SERINC5: variants seen among roughly 807,000 people sequenced by gnomAD.
SERINC5 encodes the protein chromosome 5 open reading frame 12.
A neutral mutation model predicts 63.1 loss-of-function variants in SERINC5; 41 were observed. The ratio of observed to expected loss-of-function variants is 0.65; its 90% CI spans 0.51 to 0.84. The LOEUF (loss-of-function observed/expected upper bound fraction) is 0.84, where lower values mean the gene tolerates loss of function less well. Ranked by LOEUF, SERINC5 falls within the 40% of genes least tolerant of loss-of-function variation. The pLI, the probability that SERINC5 is intolerant of heterozygous loss-of-function variation, is 0.00. For missense variants in SERINC5, 523 were observed against 573.0 expected (o/e 0.91, Z 0.89); for synonymous variants, 222 against 215.2 (o/e 1.03, Z -0.28).
At position 80,165,581 on chromosome 5, in the gene SERINC5, C is replaced by A. The variant is rs923654163; in HGVS notation, c.859+802G>T. Among the ~76,000 whole-genome samples the A allele has an allele frequency of 1.7e-4, 26 of 152,302 alleles. 1 individual carries two copies. Among genetic ancestry groups the A allele is most frequent in the Admixed American group, 1.2e-3 (18 of 15,294 alleles). On this transcript the variant is annotated intron_variant, in intron 7 of 11. Transcript: ENST00000507668. The stretch of plus-strand genomic sequence containing the variant: ...GTCTATAAACCAGGCAGTCCGACTT[C>A]AAAGCTCATGCTCTAATCACTATGT...
chr5:80,185,471 C>T (rs1349629444), intron 2 of SERINC5, among the ~76,000 whole-genome samples: 1 of 152,084 alleles, frequency 6.6e-6, no homozygotes, highest in African/African-American at 2.4e-5. Flanking sequence ...ATTAAGTTAA[C>T]TTCTTTAATT....
At chr5:80,252,413 C>A (rs1580227025) in intron 1 of SERINC5, among the ~76,000 whole-genome samples, 1 of 152,210 alleles carries the variant, frequency 6.6e-6, no homozygotes, top group East Asian at 1.9e-4. Context: ...CTCCACATAG[C>A]CCTTAAGTTA....
intron 11 of SERINC5, among the ~76,000 whole-genome samples, chr5:80,125,911 G>T (rs1054499460): frequency 6.6e-6 from 1 of 152,146 alleles, no homozygotes; most frequent in African/African-American, 2.4e-5. Flanking sequence ...TAATTCTATT[G>T]CCATCTATTC....
intron 2 of SERINC5, among the ~76,000 whole-genome samples, chr5:80,187,107 A>C (rs1432823102): frequency 6.6e-6 from 1 of 152,172 alleles, no homozygotes; most frequent in African/African-American, 2.4e-5. Context: ...AAGAGGTTGC[A>C]GTGAGCTGAG....
Position 80,189,492 on chromosome 5 carries a change from T to C in SERINC5, c.196-11428A>G, listed in dbSNP as rs150693917. On this transcript the variant is annotated intron_variant, in intron 2 of 11. Coordinates refer to ENST00000507668, the MANE Select transcript of SERINC5 (RefSeq NM_001174072.3). ...CTGAACTTTCGTTTCGGCTAGAAAA[T>C]ACGGCTATGGCCCCACACAGAATAC... Among the ~76,000 whole-genome samples, 468 of 152,258 alleles carry C rather than the reference T, an allele frequency of 3.1e-3. 2 individuals are homozygous for C. Among genetic ancestry groups the C allele is most frequent in the African/African-American group, 0.011 (458 of 41,536 alleles).
In SERINC5 at chr5:80,243,032, G is replaced by A. The variant is rs1197930309; in HGVS notation, c.27+12864C>T. Reference sequence around the variant, plus strand: ...TCCTATCTCCCTGGCTGCAGCACCCGATTAAAGCCTTCTTCCTTGGCAATC... The same window carrying A: ...TCCTATCTCCCTGGCTGCAGCACCCAATTAAAGCCTTCTTCCTTGGCAATC... On this transcript the variant is annotated intron_variant, in intron 1 of 11. Transcript: ENST00000507668. 5.3e-5 allele frequency among the ~76,000 whole-genome samples: 8 copies of A among 152,166 alleles called. No individual in the cohort carries two copies. In the South Asian group the frequency reaches 1.0e-3, roughly 20 times the overall value.
Position 80,203,007 on chromosome 5 carries a change from C to A in SERINC5, c.74G>T (p.Cys25Phe). 1 of 1,612,884 alleles carries A rather than the reference C, an allele frequency of 6.2e-7. No homozygotes were observed. ...GAGGGACTGCCGAATCCTGGGGCAG[C>A]AATCACAGCAGAGAGAGCAGCCTGC... ...GSAGCSLCCD[C>F]CPRIRQSLST... The change falls in exon 2 of 12, where the codon TGC becomes TTC. Residue 25 changes from cysteine (C) to phenylalanine (F), a missense_variant. By Grantham distance (205) the Cys-to-Phe change is radical. Transcript: ENST00000507668.
chr5:80,242,461 T>C lies in SERINC5; in HGVS notation c.27+13435A>G, dbSNP rs1751982578. On this transcript the variant is annotated intron_variant, in intron 1 of 11. Transcript: ENST00000507668. ...GGCGAAATCCCATTTTTACTAAAAA[T>C]ACAAAAATTAGGCCAGGCGCAGTGG... Among the ~76,000 whole-genome samples the C allele has an allele frequency of 2.6e-5, 4 of 151,768 alleles. No individual in the cohort carries two copies. In the South Asian group the frequency reaches 8.3e-4, roughly 32 times the overall value.
intron 11 of SERINC5, among the ~76,000 whole-genome samples, chr5:80,116,874 G>C (rs980705477): frequency 4.0e-5 from 6 of 151,602 alleles, no homozygotes; most frequent in Admixed American, 3.9e-4. Context: ...TCTCGCCCAG[G>C]CTGGAGTATA....
chr5:80,140,974 T>G lies in SERINC5; in HGVS notation c.*2689A>C. 13 of 985,446 alleles carry G rather than the reference T, an allele frequency of 1.3e-5. No homozygotes were observed. The highest frequency in any genetic ancestry group is 1.6e-5 in the Non-Finnish European group (13 of 829,912). 61.0% of individuals were successfully genotyped at this position (985,446 alleles called of 1,614,324 possible). A position where few individuals can be genotyped will look rare whatever the true frequency, so the allele number is the denominator to read the frequency against. On this transcript the variant is annotated 3_prime_UTR_variant, in exon 12 of 12. Transcript: ENST00000507668. ...AGTGAGTTAATCAAATTAACACCGT[T>G]GTTATAGGAACTCAAAGCCATTGGC...
chr5:80,229,061 T>G (rs1304266602), intron 1 of SERINC5, among the ~76,000 whole-genome samples: 9 of 91,474 alleles, frequency 9.8e-5, no homozygotes, highest in African/African-American at 1.6e-4. Context: ...GGGGATGGAG[T>G]TGCCTAGGCT....
intron 8 of SERINC5, 22 bp from the exon 9 acceptor site, chr5:80,150,970 C>A: frequency 6.3e-7 from 1 of 1,594,998 alleles, no homozygotes; most frequent in South Asian, 1.1e-5. Flanking sequence ...ACAAAAACGT[C>A]AGCTGGGCAT....
At chr5:80,176,489 TG>T (rs1748041549) in intron 4 of SERINC5, among the ~76,000 whole-genome samples, 1 of 152,180 alleles carries the variant, frequency 6.6e-6, no homozygotes. Context: ...TGGAGTACAG[TG>T]GTGCAATCTC....
chr5:80,240,734 G>A (rs1185984194), intron 1 of SERINC5, among the ~76,000 whole-genome samples: 1 of 152,134 alleles, frequency 6.6e-6, no homozygotes, highest in Non-Finnish European at 1.5e-5. Flanking sequence ...GCAAGATCAT[G>A]GCTCACTGCA....
At chr5:80,175,260 A>T (rs1280014793) in intron 4 of SERINC5, among the ~76,000 whole-genome samples, 2 of 152,196 alleles carry the variant, frequency 1.3e-5, no homozygotes, top group African/African-American at 2.4e-5. Context: ...TCAGTCAATA[A>T]ATGGTATAGT....
At chr5:80,255,543 G>A (rs1050184185) in intron 1 of SERINC5, among the ~76,000 whole-genome samples, 1 of 152,188 alleles carries the variant, frequency 6.6e-6, no homozygotes, top group African/African-American at 2.4e-5. Context: ...GCAGAGTGGA[G>A]AGGGCTACGG....
chr5:80,141,624 GC>G lies in SERINC5; in HGVS notation c.*2038del, dbSNP rs1745513713. On this transcript the variant is annotated 3_prime_UTR_variant, in exon 12 of 12. Transcript: ENST00000507668. ...GTGTTTCCTAAAGACAACCCCCAAGGCCCTAGGCCACTGCAACACAGCTACT... is the reference window on the plus strand; with the variant it reads ...GTGTTTCCTAAAGACAACCCCCAAGGCCTAGGCCACTGCAACACAGCTACT... 1.0e-6 allele frequency: 1 copy of G among 985,308 alleles called. No homozygotes were observed. The highest frequency in any genetic ancestry group is 6.2e-5 in the Admixed American group (1 of 16,244). The allele number at this position is 985,308 out of a possible 1,614,324, so 61.0% of individuals were successfully genotyped here.
chr5:80,202,122 C>G (rs943774938), intron 2 of SERINC5, among the ~76,000 whole-genome samples: 2 of 152,010 alleles, frequency 1.3e-5, no homozygotes, highest in African/African-American at 2.4e-5. Flanking sequence ...CCTGTAATCC[C>G]AGCTACTAGG....
intron 2 of SERINC5, among the ~76,000 whole-genome samples, chr5:80,188,076 A>C (rs954569139): frequency 1.3e-5 from 2 of 152,096 alleles, no homozygotes; most frequent in African/African-American, 4.8e-5. Flanking sequence ...TGAGGTCAGG[A>C]GTTCGAGACC....
Sources: gnomAD v4.1 joint callset for allele counts (sites outside exome capture counted in the v4.1 genomes callset) on GRCh38, gnomAD v4.1.1 for gene constraint, MANE v1.5 for transcripts, NCBI Gene and HGNC (gene_info 2026-07-23, HGNC 2026-07-21) for gene names.